Variants in NELL1 observed in about 807,000 individuals in gnomAD.
NELL1 encodes the protein protein kinase C-binding protein NELL1.
NELL1 carries 76 observed loss-of-function variants against 107.4 expected under a neutral mutation model. The observed-to-expected ratio is 0.71, with a 90% CI of 0.59 to 0.86. The LOEUF (loss-of-function observed/expected upper bound fraction) is 0.86. Among genes scored for constraint, NELL1 ranks in the 40% least tolerant of loss-of-function variants. NELL1 has a pLI of 0.00. For missense variants in NELL1, 1,024 were observed against 1,005.5 expected, an observed-to-expected ratio of 1.02 and a Z score of -0.25; for synonymous variants, 353 against 341.2, an observed-to-expected ratio of 1.03 and a Z score of -0.38.
chr11:21,098,328 T>C (rs1055824525), intron 12 of NELL1, among the ~76,000 whole-genome samples: 1 of 152,254 alleles, frequency 6.6e-6, no homozygotes, highest in Non-Finnish European at 1.5e-5. Flanking sequence ...GTTCCATGCA[T>C]ATTTCGTACA....
At chr11:21,168,750 G>A (rs1444613603) in intron 13 of NELL1, among the ~76,000 whole-genome samples, 1 of 151,670 alleles carries the variant, frequency 6.6e-6, no homozygotes, top group Non-Finnish European at 1.5e-5. Flanking sequence ...TTTTCCCCCA[G>A]GTGCTGTTGT....
At chr11:21,261,957 A>G (rs1178467866) in intron 14 of NELL1, among the ~76,000 whole-genome samples, 1 of 151,744 alleles carries the variant, frequency 6.6e-6, no homozygotes, top group African/African-American at 2.4e-5. Context: ...TCATTTTTTT[A>G]CACACCTCTC....
intron 5 of NELL1, among the ~76,000 whole-genome samples, chr11:20,892,079 A>G (rs1849628021): frequency 6.6e-6 from 1 of 152,220 alleles, no homozygotes; most frequent in Non-Finnish European, 1.5e-5. Flanking sequence ...TCAGTGCCAC[A>G]TGACTCTTAT....
chr11:20,955,668 T>A (rs1851156074), intron 11 of NELL1, among the ~76,000 whole-genome samples: 3 of 152,204 alleles, frequency 2.0e-5, no homozygotes, highest in Non-Finnish European at 4.4e-5. Flanking sequence ...CCCATTTAAG[T>A]TTCTCAACAA....
intron 2 of NELL1, among the ~76,000 whole-genome samples, chr11:20,740,978 T>C (rs1855876719): frequency 6.6e-6 from 1 of 152,210 alleles, no homozygotes; most frequent in Middle Eastern, 3.4e-3. Flanking sequence ...TTTCTGCAGA[T>C]TTAACTTTTT....
At chr11:20,745,945 T>G (rs1855993103) in intron 2 of NELL1, among the ~76,000 whole-genome samples, 1 of 152,214 alleles carries the variant, frequency 6.6e-6, no homozygotes, top group African/African-American at 2.4e-5. Context: ...CCATGTAAAG[T>G]GAAAATATCT....
At chr11:20,876,791 CA>C (rs200002856) in intron 4 of NELL1, among the ~76,000 whole-genome samples, 2,624 of 152,002 alleles carry the variant, frequency 0.017, 74 homozygotes, top group African/African-American at 0.06. Flanking sequence ...AACAAACAAA[CA>C]AAAAACCCAG....
At chr11:21,151,895 CTT>C (rs1450462796) in intron 13 of NELL1, among the ~76,000 whole-genome samples, 1 of 152,200 alleles carries the variant, frequency 6.6e-6, no homozygotes, top group Non-Finnish European at 1.5e-5. Context: ...GGAGGTATCA[CTT>C]TATTGAAACA....
intron 3 of NELL1, among the ~76,000 whole-genome samples, chr11:20,784,142 C>T (rs1179838118): frequency 6.6e-6 from 1 of 152,198 alleles, no homozygotes; most frequent in Non-Finnish European, 1.5e-5. Context: ...CTTCAATAAA[C>T]ATTTACAGTG....
chr11:21,141,472 T>C (rs182268434), intron 13 of NELL1, among the ~76,000 whole-genome samples: 16 of 152,290 alleles, frequency 1.1e-4, no homozygotes, highest in Non-Finnish European at 1.2e-4. Flanking sequence ...TCTGTGTGCC[T>C]CACATAATAA....
At chr11:20,721,604 G>A (rs1855390233) in intron 2 of NELL1, among the ~76,000 whole-genome samples, 1 of 152,194 alleles carries the variant, frequency 6.6e-6, no homozygotes, top group Admixed American at 6.5e-5. Flanking sequence ...TTATCGCCAA[G>A]CCTTAAGTTA....
chr11:21,359,727 A>G (rs1051622728), intron 14 of NELL1, among the ~76,000 whole-genome samples: 1 of 152,148 alleles, frequency 6.6e-6, no homozygotes, highest in Non-Finnish European at 1.5e-5. Flanking sequence ...AGAGGGGTGT[A>G]TATTTCCAGG....
chr11:20,745,262 A>T (rs79824681), intron 2 of NELL1, among the ~76,000 whole-genome samples: 5,311 of 152,228 alleles, frequency 0.035, 302 homozygotes, highest in African/African-American at 0.12. Flanking sequence ...ATATGCCTTA[A>T]AGCCCAACTA....
intron 12 of NELL1, among the ~76,000 whole-genome samples, chr11:21,006,288 A>AGAGG (rs1852326250): frequency 6.6e-6 from 1 of 152,114 alleles, no homozygotes; most frequent in Non-Finnish European, 1.5e-5. Flanking sequence ...AAGAAGGGGA[A>AGAGG]GAGGGACCCG....
At chr11:21,068,447 T>A (rs1180304361) in intron 12 of NELL1, among the ~76,000 whole-genome samples, 1 of 152,194 alleles carries the variant, frequency 6.6e-6, no homozygotes, top group African/African-American at 2.4e-5. Context: ...CTTCATTAGA[T>A]AAACAACGGA....
chr11:21,253,867 A>C (rs1858703323), intron 14 of NELL1, among the ~76,000 whole-genome samples: 1 of 152,154 alleles, frequency 6.6e-6, no homozygotes, highest in Non-Finnish European at 1.5e-5. Flanking sequence ...CAAGGCAATT[A>C]AACAATGTAG....
chr11:21,449,663 T>G (rs1853530416), intron 15 of NELL1, among the ~76,000 whole-genome samples: 1 of 152,194 alleles, frequency 6.6e-6, no homozygotes, highest in African/African-American at 2.4e-5. Context: ...TGTTTTGCCT[T>G]AGAAATTTTA....
At chr11:21,535,893 T>A (rs919922601) in intron 16 of NELL1, among the ~76,000 whole-genome samples, 14 of 152,154 alleles carry the variant, frequency 9.2e-5, no homozygotes, top group African/African-American at 3.4e-4. Context: ...CATATGCAGC[T>A]CATTGTAAAT....
chr11:21,373,868 G>T (rs1183520606), intron 15 of NELL1, among the ~76,000 whole-genome samples: 1 of 152,112 alleles, frequency 6.6e-6, no homozygotes, highest in African/African-American at 2.4e-5. Context: ...GCATGGAGAT[G>T]TGTAAAGAGA....
Sources: allele counts gnomAD v4.1 joint callset (sites outside exome capture counted in the v4.1 genomes callset), GRCh38; gene constraint gnomAD v4.1.1; transcripts MANE v1.5; gene names NCBI Gene and HGNC (gene_info 2026-07-23, HGNC 2026-07-21).